The following ITPR2 variants were observed in gnomAD, a reference collection of about 807,000 sequenced individuals.
The protein encoded by ITPR2 is inositol 1,4,5-trisphosphate receptor type 2, also known as inositol 1,4,5-trisphosphate-gated calcium channel ITPR2.
A neutral mutation model predicts 317.1 loss-of-function variants in ITPR2; 207 were observed. That is an observed-to-expected ratio of 0.65 (90% CI 0.58 to 0.73). ITPR2 has a LOEUF of 0.73. Among genes scored for constraint, ITPR2 ranks in the 30% least tolerant of loss-of-function variants. The pLI, the probability that ITPR2 is intolerant of heterozygous loss-of-function variation, is 0.00. For synonymous variants in ITPR2, 1,156 were observed against 1,149.1 expected (o/e 1.01, Z -0.12); for missense variants, 2,613 against 3,284.0 (o/e 0.80, Z 4.99).
chr12:26,603,966 A>G (rs1461932937), intron 26 of ITPR2, among the ~76,000 whole-genome samples: 2 of 152,092 alleles, frequency 1.3e-5, no homozygotes, highest in Non-Finnish European at 2.9e-5. Flanking sequence ...AGAACACCCT[A>G]AACTCCTGAC....
intron 1 of ITPR2, among the ~76,000 whole-genome samples, chr12:26,828,422 T>C (rs1399425157): frequency 1.3e-5 from 2 of 152,206 alleles, no homozygotes; most frequent in Non-Finnish European, 2.9e-5. Context: ...TATGTTCCCA[T>C]GAGTTTTATA....
intron 26 of ITPR2, among the ~76,000 whole-genome samples, chr12:26,613,728 G>A (rs1191116061): frequency 2.6e-5 from 4 of 152,054 alleles, no homozygotes; most frequent in Admixed American, 6.6e-5. Context: ...AGAGCAAAAG[G>A]GCACCTATCT....
intron 55 of ITPR2, among the ~76,000 whole-genome samples, chr12:26,343,819 C>G (rs1032874005): frequency 1.3e-5 from 2 of 152,062 alleles, no homozygotes; most frequent in African/African-American, 4.8e-5. Context: ...AGAGTGCTGA[C>G]CCTTTTCTAG....
intron 2 of ITPR2, among the ~76,000 whole-genome samples, chr12:26,784,631 T>G (rs981980309): frequency 3.3e-5 from 5 of 151,358 alleles, no homozygotes; most frequent in Non-Finnish European, 7.4e-5. Flanking sequence ...GACGGAGTCT[T>G]GTTCACTCGG....
chr12:26,810,715 T>C (rs1259696262), intron 1 of ITPR2, among the ~76,000 whole-genome samples: 1 of 152,264 alleles, frequency 6.6e-6, no homozygotes, highest in Non-Finnish European at 1.5e-5. Flanking sequence ...TCCTTTCATG[T>C]ATGGACATCT....
intron 55 of ITPR2, among the ~76,000 whole-genome samples, chr12:26,374,062 C>T (rs542707138): frequency 1.2e-4 from 18 of 152,284 alleles, no homozygotes; most frequent in East Asian, 5.8e-4. Context: ...GTCCTCTCTG[C>T]GGCACTCCGG....
chr12:26,832,130 C>A (rs989701764), intron 1 of ITPR2, among the ~76,000 whole-genome samples: 1 of 152,032 alleles, frequency 6.6e-6, no homozygotes, highest in Non-Finnish European at 1.5e-5. Flanking sequence ...TGGGGCGAGT[C>A]CTGGTTCGGC....
chr12:26,520,500 G>A (rs373281967), intron 37 of ITPR2, among the ~76,000 whole-genome samples: 3 of 152,078 alleles, frequency 2.0e-5, no homozygotes, highest in Non-Finnish European at 4.4e-5. Context: ...TTTCCAACAC[G>A]CCTTTCCCTC....
chr12:26,475,572 G>A (rs761149147), intron 44 of ITPR2, among the ~76,000 whole-genome samples, 154 bp from the exon 45 acceptor site: 9 of 152,182 alleles, frequency 5.9e-5, no homozygotes, highest in Non-Finnish European at 1.2e-4. Context: ...TTATTTCAAT[G>A]AACATGGAAG....
intron 37 of ITPR2, among the ~76,000 whole-genome samples, chr12:26,507,941 C>G (rs1215105272): frequency 6.6e-6 from 1 of 150,984 alleles, no homozygotes; most frequent in East Asian, 1.9e-4. Context: ...TATTTTTGTA[C>G]TCATGGATAT....
chr12:26,755,196 T>C (rs1274377388), intron 2 of ITPR2, among the ~76,000 whole-genome samples: 3 of 152,198 alleles, frequency 2.0e-5, no homozygotes, highest in Non-Finnish European at 4.4e-5. Context: ...ATCAATCGTG[T>C]TTTTTGACTG....
intron 52 of ITPR2, chr12:26,406,437 T>C: frequency 6.7e-6 from 1 of 149,034 alleles, no homozygotes; most frequent in Non-Finnish European, 1.5e-5. Flanking sequence ...AGTTTTTTTT[T>C]TTTTTTTTTT....
At chr12:26,521,492 A>G (rs1457935540) in intron 37 of ITPR2, among the ~76,000 whole-genome samples, 6 of 152,170 alleles carry the variant, frequency 3.9e-5, no homozygotes, top group African/African-American at 1.4e-4. Context: ...CAGATTCATT[A>G]TATGCAGTCA....
chr12:26,678,317 T>C (rs1016253267), intron 13 of ITPR2, among the ~76,000 whole-genome samples: 2 of 152,092 alleles, frequency 1.3e-5, no homozygotes, highest in Non-Finnish European at 2.9e-5. Context: ...GAAAATTCCA[T>C]TGAAAAATAT....
Position 26,655,613 on chromosome 12 carries a change from C to CAAA in ITPR2, c.2589+92_2589+94dup, listed in dbSNP as rs56325248. ...TGGGCGACCGAGTGAGACTCTGTCT[C>CAAA]AAAAAAAAAAAAAAAAAAAGCAGAG... On this transcript the variant is annotated intron_variant, in intron 20 of 56. Transcript: ENST00000381340. 2.2e-3 allele frequency: 1,415 copies of CAAA among 637,380 alleles called. 16 individuals are homozygous for CAAA. The African/African-American group carries it at 0.024, about 11-fold the overall frequency. 39.5% of individuals were successfully genotyped at this position (637,380 alleles called of 1,614,324 possible).
chr12:26,481,001 T>C lies in ITPR2; in HGVS notation c.6123+130A>G, dbSNP rs898025330. On this transcript the variant is annotated intron_variant, in intron 43 of 56. Coordinates refer to ENST00000381340, the MANE Select transcript of ITPR2 (RefSeq NM_002223.4). The stretch of plus-strand genomic sequence containing the variant: ...ATTGCATCTGGAGTTTAGTAAGCAT[T>C]GTACTTTCACTATCCCTTTCTGTCA... 29 of 510,912 alleles carry C rather than the reference T, an allele frequency of 5.7e-5. No homozygotes were observed. The Middle Eastern group carries it at 8.3e-4, about 15-fold the overall frequency. 31.6% of individuals were successfully genotyped at this position (510,912 alleles called of 1,614,324 possible). A position where few individuals can be genotyped will look rare whatever the true frequency, so the allele number is the denominator to read the frequency against.
At chr12:26,346,877 C>T (rs1463524573) in intron 55 of ITPR2, among the ~76,000 whole-genome samples, 2 of 152,070 alleles carry the variant, frequency 1.3e-5, no homozygotes, top group Non-Finnish European at 2.9e-5. Context: ...GTGTCTCTTC[C>T]AGCTCGTCAT....
At chr12:26,546,146 A>C (rs868271747) in intron 37 of ITPR2, among the ~76,000 whole-genome samples, 1 of 152,226 alleles carries the variant, frequency 6.6e-6, no homozygotes, top group African/African-American at 2.4e-5. Context: ...TTGTTCTTAT[A>C]AATTTACAGG....
At chr12:26,567,967 TATTATATATATTATATATATA>T (rs1381842323) in intron 34 of ITPR2, among the ~76,000 whole-genome samples, 2 of 25,130 alleles carry the variant, frequency 8.0e-5, no homozygotes, top group Non-Finnish European at 1.8e-4. Flanking sequence ...TATATATATA[TATTATATATATTATATATATA>T]TATATATATT....
Sources: allele counts gnomAD v4.1 joint callset (sites outside exome capture counted in the v4.1 genomes callset), GRCh38; gene constraint gnomAD v4.1.1; transcripts MANE v1.5; gene names NCBI Gene and HGNC (gene_info 2026-07-23, HGNC 2026-07-21).